Variants in RANBP2 observed in about 807,000 individuals in gnomAD.
RANBP2 encodes RAN binding protein 2.
A neutral mutation model predicts 303.6 loss-of-function variants in RANBP2; 57 were observed. That is an observed-to-expected ratio of 0.19 (90% CI 0.15 to 0.23). The LOEUF (loss-of-function observed/expected upper bound fraction) is 0.23. Among genes scored for constraint, RANBP2 ranks in the 10% least tolerant of loss-of-function variants. The pLI is 1.00. For synonymous variants in RANBP2, 1,167 were observed against 1,301.5 expected (o/e 0.90, Z 2.23); for missense variants, 3,138 against 3,780.8 (o/e 0.83, Z 4.46).
chr2:108,978,590 A>G, the RANBP2 span, among the ~76,000 whole-genome samples: 1 of 152,148 alleles, frequency 6.6e-6, no homozygotes, highest in Non-Finnish European at 1.5e-5. Flanking sequence ...TTTCTTGTTT[A>G]ACAGTGATTT....
the RANBP2 span, among the ~76,000 whole-genome samples, chr2:109,297,394 A>C: frequency 2.6e-5 from 4 of 152,038 alleles, no homozygotes; most frequent in African/African-American, 9.7e-5. Context: ...CCCCCAGGGG[A>C]GCAGCCCACA....
chr2:109,070,239 A>T, the RANBP2 span, among the ~76,000 whole-genome samples: 1 of 152,232 alleles, frequency 6.6e-6, no homozygotes, highest in African/African-American at 2.4e-5. Context: ...TGGAGCATTG[A>T]TGACTATGCT....
At chr2:109,624,862 C>A in the RANBP2 span, among the ~76,000 whole-genome samples, 1 of 152,048 alleles carries the variant, frequency 6.6e-6, no homozygotes. Flanking sequence ...GGGCAGATCA[C>A]CTGAGGTCAG....
chr2:109,140,957 C>G, the RANBP2 span, among the ~76,000 whole-genome samples: 1 of 152,170 alleles, frequency 6.6e-6, no homozygotes, highest in African/African-American at 2.4e-5. Flanking sequence ...CACCTTCCAT[C>G]CGGGGCTGCT....
the RANBP2 span, among the ~76,000 whole-genome samples, chr2:109,214,542 T>C: frequency 6.7e-6 from 1 of 150,012 alleles, no homozygotes; most frequent in Non-Finnish European, 1.5e-5. Flanking sequence ...AGACAAGGAC[T>C]AAGAAATTTC....
chr2:108,736,704 A>C (rs1294842957), intron 6 of RANBP2, among the ~76,000 whole-genome samples: 1 of 152,206 alleles, frequency 6.6e-6, no homozygotes, highest in Non-Finnish European at 1.5e-5. Flanking sequence ...AAATAACTCA[A>C]CTATGTGATT....
chr2:109,133,957 G>A, the RANBP2 span, among the ~76,000 whole-genome samples: 2 of 152,094 alleles, frequency 1.3e-5, no homozygotes, highest in Non-Finnish European at 2.9e-5. Flanking sequence ...GTGGAATGTT[G>A]GTTAGTCCAG....
chr2:109,188,127 A>C, the RANBP2 span, among the ~76,000 whole-genome samples: 2 of 152,272 alleles, frequency 1.3e-5, no homozygotes, highest in African/African-American at 4.8e-5. Context: ...TCTAATGAGC[A>C]TGGGAAACAA....
At chr2:108,800,421 T>C in the RANBP2 span, among the ~76,000 whole-genome samples, 283 of 151,974 alleles carry the variant, frequency 1.9e-3, 3 homozygotes, top group African/African-American at 6.6e-3. Context: ...CCCACCACCA[T>C]GCCCGGCTAA....
the RANBP2 span, among the ~76,000 whole-genome samples, chr2:108,900,706 A>G: frequency 0.069 from 10,582 of 152,308 alleles, 468 homozygotes; most frequent in South Asian, 0.15. Flanking sequence ...GTTGGAAGTA[A>G]AGGATGGAAA....
the RANBP2 span, chr2:109,347,879 A>G: frequency 5.0e-6 from 8 of 1,612,806 alleles, no homozygotes; most frequent in Admixed American, 1.7e-5. Context: ...GCCCCGCCCC[A>G]GGGAAAAGCA....
chr2:109,347,698 A>G, the RANBP2 span: 7 of 1,613,754 alleles, frequency 4.3e-6, no homozygotes, highest in East Asian at 1.6e-4. Context: ...TCCCTATGGC[A>G]AGGCCCTCTA....
At chr2:108,990,641 G>A in the RANBP2 span, among the ~76,000 whole-genome samples, 1 of 152,046 alleles carries the variant, frequency 6.6e-6, no homozygotes, top group East Asian at 1.9e-4. Context: ...GAAATGTATG[G>A]GGCTGGGGCA....
the RANBP2 span, among the ~76,000 whole-genome samples, chr2:109,462,148 C>G: frequency 6.7e-6 from 1 of 149,966 alleles, no homozygotes; most frequent in Non-Finnish European, 1.5e-5. Context: ...CTCACTAGGT[C>G]CAGTCAGCAC....
chr2:108,944,500 T>C, the RANBP2 span, among the ~76,000 whole-genome samples: 225 of 152,388 alleles, frequency 1.5e-3, no homozygotes, highest in African/African-American at 5.4e-3. Context: ...CTGTTGCCTC[T>C]AACCTCATGG....
the RANBP2 span, chr2:109,733,004 G>C: frequency 3.4e-6 from 2 of 582,948 alleles, no homozygotes; most frequent in South Asian, 2.7e-5. Context: ...TCCTTGAGAT[G>C]ATTATTGTAG....
the RANBP2 span, among the ~76,000 whole-genome samples, chr2:108,968,861 T>C: frequency 6.6e-6 from 1 of 152,210 alleles, no homozygotes; most frequent in Non-Finnish European, 1.5e-5. Context: ...TATGCACTAT[T>C]TGGCCAAAGC....
At chr2:109,671,995 C>G in the RANBP2 span, among the ~76,000 whole-genome samples, 1 of 150,882 alleles carries the variant, frequency 6.6e-6, no homozygotes, top group Non-Finnish European at 1.5e-5. Flanking sequence ...TTTCTTGTTT[C>G]TATACTTTCT....
the RANBP2 span, among the ~76,000 whole-genome samples, chr2:108,912,948 CTT>C: frequency 3.4e-4 from 47 of 139,022 alleles, no homozygotes; most frequent in Admixed American, 3.6e-4. Flanking sequence ...CGTTATTGTT[CTT>C]TTTTTTTTTT....
Sources: allele counts gnomAD v4.1 joint callset (sites outside exome capture counted in the v4.1 genomes callset), GRCh38; gene constraint gnomAD v4.1.1; transcripts MANE v1.5; gene names NCBI Gene and HGNC (gene_info 2026-07-23, HGNC 2026-07-21).